The following KPNA3 variants were observed in gnomAD, a reference collection of about 807,000 sequenced individuals.
KPNA3 encodes importin subunit alpha-4.
Under a neutral mutation model 73.8 loss-of-function variants are expected in KPNA3, and 13 were observed. The ratio of observed to expected loss-of-function variants is 0.18; its 90% confidence interval spans 0.11 to 0.28. The LOEUF (loss-of-function observed/expected upper bound fraction) is 0.28. Among genes scored for constraint, KPNA3 ranks in the 10% least tolerant of loss-of-function variants. The pLI is 1.00. For synonymous variants in KPNA3, 186 were observed against 206.9 expected (o/e 0.90, Z 0.87); for missense variants, 360 against 618.1 (o/e 0.58, Z 4.43).
At chr13:49,778,765 G>A (rs117391955) in intron 1 of KPNA3, among the ~76,000 whole-genome samples, 2,627 of 152,144 alleles carry the variant, frequency 0.017, 42 homozygotes, top group Non-Finnish European at 0.028. Context: ...GAACCACCAT[G>A]CTTGCCTACT....
At chr13:49,768,050 C>A (rs751979697) in intron 1 of KPNA3, among the ~76,000 whole-genome samples, 1 of 152,112 alleles carries the variant, frequency 6.6e-6, no homozygotes, top group Admixed American at 6.6e-5. Flanking sequence ...GAGGCCAAAG[C>A]AGGCATATCA....
intron 10 of KPNA3, among the ~76,000 whole-genome samples, chr13:49,715,746 A>T (rs1162600782): frequency 6.6e-6 from 1 of 152,234 alleles, no homozygotes; most frequent in East Asian, 1.9e-4. Flanking sequence ...TATGCAACGA[A>T]ATTACAAATG....
chr13:49,785,480 A>T (rs560304020), intron 1 of KPNA3, among the ~76,000 whole-genome samples: 2 of 152,324 alleles, frequency 1.3e-5, no homozygotes, highest in Admixed American at 6.5e-5. Context: ...GGCTTTAAAC[A>T]CTTTGAGCTT....
intron 1 of KPNA3, among the ~76,000 whole-genome samples, chr13:49,785,625 A>T (rs928077164): frequency 6.6e-5 from 10 of 152,182 alleles, no homozygotes; most frequent in African/African-American, 1.2e-4. Context: ...TACAGATAAA[A>T]GAATCGTAGA....
intron 12 of KPNA3, 21 bp downstream of exon 12, chr13:49,709,551 T>C: frequency 1.3e-6 from 2 of 1,590,544 alleles, no homozygotes; most frequent in Non-Finnish European, 1.7e-6. Flanking sequence ...AATAGCATAA[T>C]GAGGACATTA....
In KPNA3 at chr13:49,732,651, T is replaced by C. The variant is rs748362913; in HGVS notation, c.241A>G (p.Thr81Ala). 6.2e-6 allele frequency: 10 copies of C among 1,610,650 alleles called. No individual in the cohort carries two copies. Among genetic ancestry groups the C allele is most frequent in the Non-Finnish European group, 6.8e-6 (8 of 1,178,342 alleles). ...VTLEAILQNA[T>A]SDNPVVQLSA... ...AATTGGACCACTGGGTTATCACTTG[T>C]GGCATTCTGCAATACCAAATGTAAA... The change falls in exon 5 of 17, where the codon ACA becomes GCA. Residue 81 changes from threonine to alanine, a missense_variant. Around this residue, in one of 3 missense-constraint regions of KPNA3, gnomAD observed 287 missense variants for 549.1 expected, o/e 0.52. Coordinates refer to ENST00000261667, the MANE Select transcript of KPNA3 (RefSeq NM_002267.4).
intron 8 of KPNA3, 107 bp downstream of exon 8, chr13:49,722,370 G>A: frequency 1.3e-6 from 1 of 747,428 alleles, no homozygotes; most frequent in South Asian, 2.0e-5. Context: ...GGCAAGAAGA[G>A]AGTCAACACA....
chr13:49,777,071 CT>C (rs1396304019), intron 1 of KPNA3, among the ~76,000 whole-genome samples: 1 of 152,180 alleles, frequency 6.6e-6, no homozygotes, highest in East Asian at 1.9e-4. Flanking sequence ...TACTGAATTC[CT>C]TTTTTCCTGC....
chr13:49,717,723 T>C (rs774973808), intron 10 of KPNA3, among the ~76,000 whole-genome samples: 8 of 152,330 alleles, frequency 5.3e-5, no homozygotes, highest in Middle Eastern at 3.4e-3. Context: ...AAGAATTAAA[T>C]GGGTTAACAT....
intron 1 of KPNA3, among the ~76,000 whole-genome samples, chr13:49,766,439 T>C (rs1954808411): frequency 6.6e-6 from 1 of 152,234 alleles, no homozygotes; most frequent in Admixed American, 6.5e-5. Context: ...GGTGTCTGTA[T>C]TATCTGTGAT....
At chr13:49,791,202 G>A (rs1955030136) in intron 1 of KPNA3, among the ~76,000 whole-genome samples, 1 of 152,136 alleles carries the variant, frequency 6.6e-6, no homozygotes, top group African/African-American at 2.4e-5. Context: ...ACACTGAATG[G>A]TATATTTACC....
chr13:49,746,123 G>A (rs1954615103), intron 2 of KPNA3, among the ~76,000 whole-genome samples: 2 of 150,942 alleles, frequency 1.3e-5, no homozygotes, highest in Non-Finnish European at 2.9e-5. Flanking sequence ...TTATTTTCTG[G>A]ATTAGCAATT....
At chr13:49,737,991 C>G (rs1297221968) in intron 2 of KPNA3, among the ~76,000 whole-genome samples, 3 of 152,104 alleles carry the variant, frequency 2.0e-5, no homozygotes, top group African/African-American at 7.2e-5. Flanking sequence ...CTCTTTGTCT[C>G]CAGATCCAGA....
chr13:49,791,220 C>A (rs1430068013), intron 1 of KPNA3, among the ~76,000 whole-genome samples: 2 of 152,108 alleles, frequency 1.3e-5, no homozygotes, highest in Non-Finnish European at 2.9e-5. Context: ...ACCCCACAAC[C>A]TTCCTTAAGA....
chr13:49,756,775 G>T (rs924167641), intron 1 of KPNA3, among the ~76,000 whole-genome samples: 1 of 152,152 alleles, frequency 6.6e-6, no homozygotes, highest in South Asian at 2.1e-4. Context: ...AATGAAAAAC[G>T]AAGTGGAAGG....
intron 16 of KPNA3, 45 bp from the exon 17 acceptor site, chr13:49,701,943 A>T (rs1346601062): frequency 1.6e-6 from 2 of 1,278,196 alleles, no homozygotes; most frequent in African/African-American, 2.9e-5. Flanking sequence ...ATGATACTAT[A>T]CATTATGATG....
chr13:49,712,277 C>A (rs974061528), intron 10 of KPNA3, among the ~76,000 whole-genome samples: 2 of 152,086 alleles, frequency 1.3e-5, no homozygotes, highest in Admixed American at 6.5e-5. Context: ...TCAACAGATG[C>A]CAATATTGAG....
chr13:49,751,650 T>G (rs1954664242), intron 1 of KPNA3, among the ~76,000 whole-genome samples: 1 of 152,176 alleles, frequency 6.6e-6, no homozygotes, highest in South Asian at 2.1e-4. Context: ...GGCTCATGCT[T>G]GTAATCCCAG....
At chr13:49,761,785 G>A (rs1418864013) in intron 1 of KPNA3, among the ~76,000 whole-genome samples, 2 of 151,686 alleles carry the variant, frequency 1.3e-5, no homozygotes, top group Admixed American at 1.3e-4. Flanking sequence ...ATCCCGTCTA[G>A]GAAGCGAGGA....
Sources: allele counts gnomAD v4.1 joint callset (sites outside exome capture counted in the v4.1 genomes callset), GRCh38; gene constraint gnomAD v4.1.1; regional missense constraint gnomAD v4.1.1; transcripts MANE v1.5; gene names NCBI Gene and HGNC (gene_info 2026-07-23, HGNC 2026-07-21).